Variants in MCTP1 observed in about 807,000 individuals in gnomAD.
The protein encoded by MCTP1 is multiple C2 and transmembrane domain-containing protein 1.
Under a neutral mutation model 120.6 loss-of-function variants are expected in MCTP1, and 69 were observed. The ratio of observed to expected loss-of-function variants is 0.57; its 90% CI spans 0.47 to 0.70. The LOEUF is 0.70. MCTP1 is among the 30% of genes least tolerant of loss of function. The pLI is 0.00. For missense variants in MCTP1, 1,203 were observed against 1,248.8 expected (o/e 0.96, Z 0.55); for synonymous variants, 529 against 493.1 (o/e 1.07, Z -0.96).
At chr5:94,994,421 G>A (rs923847769) in intron 2 of MCTP1, among the ~76,000 whole-genome samples, 4 of 152,274 alleles carry the variant, frequency 2.6e-5, no homozygotes, top group Non-Finnish European at 4.4e-5. Context: ...AATAGCCTAC[G>A]GTGAGTAAAT....
At chr5:94,838,129 GAGTTACATTT>G (rs1166034316) in intron 17 of MCTP1, among the ~76,000 whole-genome samples, 5 of 152,126 alleles carry the variant, frequency 3.3e-5, no homozygotes, top group Admixed American at 6.5e-5. Context: ...CATTTATCTA[GAGTTACATTT>G]AGGCCATATG....
chr5:95,199,192 C>T lies in MCTP1; in HGVS notation c.720+84664G>A, dbSNP rs114117116. Among the ~76,000 whole-genome samples, 502 of 152,172 alleles carry T rather than the reference C, an allele frequency of 3.3e-3. 5 individuals carry two copies. The highest frequency in any genetic ancestry group is 0.011 in the African/African-American group (476 of 41,534). ...TTTTAATTCTTTTAATTATTAAACACCTTATTTTAGTATTTTGCTAAAAGT... is the reference window on the plus strand; with the variant it reads ...TTTTAATTCTTTTAATTATTAAACATCTTATTTTAGTATTTTGCTAAAAGT... On this transcript the variant is annotated intron_variant, in intron 1 of 22. Coordinates refer to ENST00000515393, the MANE Select transcript of MCTP1 (RefSeq NM_024717.7).
chr5:94,716,690 A>G (rs1473231403), intron 19 of MCTP1, among the ~76,000 whole-genome samples: 1 of 152,222 alleles, frequency 6.6e-6, no homozygotes, highest in Non-Finnish European at 1.5e-5. Context: ...ACTATTTCAC[A>G]GTAACAAAAT....
Position 94,797,103 on chromosome 5 carries a change from A to G in MCTP1, c.2556+1910T>C, listed in dbSNP as rs536461099. Among the ~76,000 whole-genome samples the G allele has an allele frequency of 9.8e-5, 15 of 152,296 alleles. No homozygotes were observed. The South Asian group carries it at 2.9e-3, about 29-fold the overall frequency. On this transcript the variant is annotated intron_variant, in intron 18 of 22. Coordinates refer to ENST00000515393, the MANE Select transcript of MCTP1 (RefSeq NM_024717.7). The stretch of plus-strand genomic sequence containing the variant: ...AAAATTATATGATATGCAATTTTTC[A>G]ATAGGCTATAAAATGTCTTGGATAA...
At chr5:95,082,397 T>C (rs1256696848) in intron 1 of MCTP1, among the ~76,000 whole-genome samples, 1 of 152,212 alleles carries the variant, frequency 6.6e-6, no homozygotes, top group Non-Finnish European at 1.5e-5. Flanking sequence ...TATATTTAGA[T>C]ACCTCAGTCA....
chr5:94,909,210 A>C (rs781356630), intron 10 of MCTP1, 41 bp downstream of exon 10: 17 of 1,594,302 alleles, frequency 1.1e-5, no homozygotes, highest in East Asian at 2.2e-5. Flanking sequence ...TTTTAATAAA[A>C]ATGCTCTAGG....
At chr5:94,750,904 C>A (rs1185739459) in intron 19 of MCTP1, among the ~76,000 whole-genome samples, 1 of 152,094 alleles carries the variant, frequency 6.6e-6, no homozygotes, top group Non-Finnish European at 1.5e-5. Context: ...AGGAAATATC[C>A]AAGTCTTTCC....
intron 18 of MCTP1, chr5:94,792,065 G>T (rs1032535302): frequency 2.0e-5 from 3 of 152,404 alleles, no homozygotes; most frequent in African/African-American, 7.2e-5. Context: ...CTGTGTCTTT[G>T]CCAGCCCCCT....
rs372447943 is a variant in MCTP1 at position 94,791,288 on chromosome 5, ACT to A, written c.2556+7723_2556+7724del. Among the ~76,000 whole-genome samples, 39 of 151,598 alleles carry A rather than the reference ACT, an allele frequency of 2.6e-4. 1 individual carries two copies. The highest frequency in any genetic ancestry group is 8.7e-4 in the African/African-American group (36 of 41,296). Reference sequence around the variant, plus strand: ...ACTCCAGCCTGGGTGACAGAGTGAGACTCTGTTTCAAAAAAAAAAAATTGAAG... The same window carrying A: ...ACTCCAGCCTGGGTGACAGAGTGAGACTGTTTCAAAAAAAAAAAATTGAAG... On this transcript the variant is annotated intron_variant, in intron 18 of 22. Transcript: ENST00000515393.
chr5:95,089,100 A>G (rs1216676419), intron 1 of MCTP1, among the ~76,000 whole-genome samples: 1 of 152,216 alleles, frequency 6.6e-6, no homozygotes, highest in Non-Finnish European at 1.5e-5. Flanking sequence ...ATTCTTCTGG[A>G]TTTAAGAACT....
At chr5:94,926,684 C>T (rs1400476013) in intron 6 of MCTP1, among the ~76,000 whole-genome samples, 1 of 152,186 alleles carries the variant, frequency 6.6e-6, no homozygotes, top group African/African-American at 2.4e-5. Flanking sequence ...ATTCACCCTT[C>T]CATCTATCTT....
At chr5:94,819,296 C>T (rs765758572) in intron 17 of MCTP1, among the ~76,000 whole-genome samples, 1 of 151,718 alleles carries the variant, frequency 6.6e-6, no homozygotes, top group African/African-American at 2.4e-5. Context: ...CACATGGCTA[C>T]TTTTTTGTAT....
intron 1 of MCTP1, among the ~76,000 whole-genome samples, chr5:95,250,543 G>A (rs1434733277): frequency 6.6e-6 from 1 of 152,136 alleles, no homozygotes; most frequent in African/African-American, 2.4e-5. Context: ...ATAAGATTTA[G>A]AGTCAGGCTG....
intron 1 of MCTP1, among the ~76,000 whole-genome samples, chr5:95,119,973 C>T (rs1758087072): frequency 6.6e-6 from 1 of 151,886 alleles, no homozygotes; most frequent in Non-Finnish European, 1.5e-5. Flanking sequence ...GAGATCGAGA[C>T]CATCCTGGCT....
chr5:95,122,592 T>C (rs930489777), intron 1 of MCTP1, among the ~76,000 whole-genome samples: 3 of 152,126 alleles, frequency 2.0e-5, no homozygotes, highest in Non-Finnish European at 4.4e-5. Flanking sequence ...GCCTGGAGGT[T>C]CCTCAATAAA....
chr5:95,227,598 T>A (rs1411616472), intron 1 of MCTP1, among the ~76,000 whole-genome samples: 3 of 152,210 alleles, frequency 2.0e-5, no homozygotes, highest in Non-Finnish European at 1.5e-5. Flanking sequence ...ACAAATAGTT[T>A]ATAACATCTT....
chr5:95,134,893 G>C (rs1034308074), intron 1 of MCTP1, among the ~76,000 whole-genome samples: 1 of 139,266 alleles, frequency 7.2e-6, no homozygotes, highest in Non-Finnish European at 1.5e-5. Context: ...TACTGTTTTT[G>C]ACCAAATAAT....
chr5:95,014,621 T>C (rs1489138243), intron 2 of MCTP1, among the ~76,000 whole-genome samples: 4 of 152,140 alleles, frequency 2.6e-5, no homozygotes, highest in Non-Finnish European at 5.9e-5. Context: ...TACTTAACAA[T>C]TGAATCTATT....
At chr5:94,847,455 G>A (rs575474358) in intron 17 of MCTP1, among the ~76,000 whole-genome samples, 1 of 151,768 alleles carries the variant, frequency 6.6e-6, no homozygotes, top group Non-Finnish European at 1.5e-5. Flanking sequence ...AAAATAAAAG[G>A]TCAAATTTCC....
Sources: allele counts gnomAD v4.1 joint callset (sites outside exome capture counted in the v4.1 genomes callset), GRCh38; gene constraint gnomAD v4.1.1; transcripts MANE v1.5; gene names NCBI Gene and HGNC (gene_info 2026-07-23, HGNC 2026-07-21).